CASQ2: variants seen among roughly 807,000 people sequenced by gnomAD.
The protein encoded by CASQ2 is calsequestrin 2.
Under a neutral mutation model 46.5 loss-of-function variants are expected in CASQ2, and 49 were observed. That is an observed-to-expected ratio of 1.05 (90% CI 0.84 to 1.34). The LOEUF (loss-of-function observed/expected upper bound fraction) is 1.34. Ranked by LOEUF, CASQ2 falls within the 40% of genes most tolerant of loss-of-function variation. CASQ2 has a pLI of 0.00. For missense variants in CASQ2, 486 were observed against 481.3 expected (o/e 1.01, Z -0.09); for synonymous variants, 174 against 168.5 (o/e 1.03, Z -0.25).
intron 5 of CASQ2, among the ~76,000 whole-genome samples, chr1:115,728,213 G>A (rs1235856107): frequency 1.3e-5 from 2 of 152,144 alleles, no homozygotes; most frequent in African/African-American, 4.8e-5. Flanking sequence ...TCTTACACAA[G>A]GAGATCCATT....
chr1:115,754,978 G>T (rs1243417494), intron 1 of CASQ2, among the ~76,000 whole-genome samples: 1 of 152,190 alleles, frequency 6.6e-6, no homozygotes, highest in Non-Finnish European at 1.5e-5. Context: ...TGATTCAGCA[G>T]GTCTGGGATG....
chr1:115,715,875 T>G (rs1341477384), intron 8 of CASQ2, among the ~76,000 whole-genome samples: 1 of 152,174 alleles, frequency 6.6e-6, no homozygotes, highest in Non-Finnish European at 1.5e-5. Flanking sequence ...AAATATTTAT[T>G]GGGCGCCTAC....
In CASQ2 at chr1:115,702,548, C is replaced by T. The variant is rs113182054; in HGVS notation, c.1014+373G>A. Among the ~76,000 whole-genome samples, 11 of 152,346 alleles carry T rather than the reference C, an allele frequency of 7.2e-5. 2 individuals carry two copies. The highest frequency in any genetic ancestry group is 2.4e-4 in the African/African-American group (10 of 41,594). On this transcript the variant is annotated intron_variant, in intron 10 of 10. Transcript: ENST00000261448. ...GCCTGCCTGGGATTCTAGGCCACAA[C>T]GGCCCCATCACCCATTGTGCAGTGA...
intron 1 of CASQ2, among the ~76,000 whole-genome samples, chr1:115,760,115 A>AC (rs1389064884): frequency 6.6e-6 from 1 of 152,132 alleles, no homozygotes; most frequent in Non-Finnish European, 1.5e-5. Context: ...GAATCCCTGC[A>AC]CCCCTAGAAC....
chr1:115,744,803 A>G lies in CASQ2; in HGVS notation c.319+25T>C, dbSNP rs370016535. ...AGACACATTCGTTTCTTTCCCACAT[A>G]CAGTATCTCAAAAATCACACTTACC... On this transcript the variant is annotated intron_variant, in intron 2 of 10. Coordinates refer to ENST00000261448, the MANE Select transcript of CASQ2 (RefSeq NM_001232.4). The G allele has an allele frequency of 5.8e-4, 872 of 1,515,848 alleles. 1 individual carries two copies. Among genetic ancestry groups the G allele is most frequent in the Non-Finnish European group, 7.8e-4 (850 of 1,090,594 alleles). The allele number at this position is 1,515,848 out of a possible 1,614,324, so 93.9% of individuals were successfully genotyped here.
Position 115,739,124 on chromosome 1 carries a change from C to CTTTTTTTTTTTTTTTTTTTTTTTTTTT in CASQ2, c.421-790_421-789insAAAAAAAAAAAAAAAAAAAAAAAAAAA, listed in dbSNP as rs1299140156. On this transcript the variant is annotated intron_variant, in intron 3 of 10. Transcript: ENST00000261448. ...ATGTATAGCACATTTTCTTTTCTTT[C>CTTTTTTTTTTTTTTTTTTTTTTTTTTT]TTTTTGAGATGGAGTCATGCTGTGT... Among the ~76,000 whole-genome samples, 20 of 99,518 alleles carry CTTTTTTTTTTTTTTTTTTTTTTTTTTT rather than the reference C, an allele frequency of 2.0e-4. 2 individuals are homozygous for CTTTTTTTTTTTTTTTTTTTTTTTTTTT. The highest frequency in any genetic ancestry group is 5.3e-4 in the Admixed American group (4 of 7,566). The allele number at this position is 99,518 out of a possible 152,430, so 65.3% of individuals were successfully genotyped here.
At chr1:115,726,960 G>GCCCCCCCC in intron 6 of CASQ2, 32 bp downstream of exon 6, 4 of 654,026 alleles carry the variant, frequency 6.1e-6, no homozygotes, top group Non-Finnish European at 1.1e-5. Flanking sequence ...CCAGACCCCA[G>GCCCCCCCC]GCCCCCAGCC....
At chr1:115,708,429 A>G (rs1654430127) in intron 8 of CASQ2, among the ~76,000 whole-genome samples, 1 of 152,224 alleles carries the variant, frequency 6.6e-6, no homozygotes, top group Non-Finnish European at 1.5e-5. Flanking sequence ...AACAGAGCCC[A>G]TTCTTCAGGG....
intron 5 of CASQ2, among the ~76,000 whole-genome samples, chr1:115,727,901 A>G (rs1319367471): frequency 6.6e-6 from 1 of 152,154 alleles, no homozygotes; most frequent in Admixed American, 6.5e-5. Flanking sequence ...AAGCAGCCAC[A>G]TGTTCAGTGT....
intron 5 of CASQ2, among the ~76,000 whole-genome samples, chr1:115,731,489 C>T (rs1647782090): frequency 6.6e-6 from 1 of 152,224 alleles, no homozygotes. Context: ...CCTTTCTCTA[C>T]TAATATCCTA....
At chr1:115,763,839 T>C (rs1649040201) in intron 1 of CASQ2, among the ~76,000 whole-genome samples, 1 of 152,096 alleles carries the variant, frequency 6.6e-6, no homozygotes, top group Non-Finnish European at 1.5e-5. Context: ...TTATAGGACA[T>C]GATAGGAGCA....
At chr1:115,752,517 G>A (rs945570573) in intron 1 of CASQ2, among the ~76,000 whole-genome samples, 2 of 152,188 alleles carry the variant, frequency 1.3e-5, no homozygotes, top group Non-Finnish European at 2.9e-5. Context: ...CTTGGAGGAG[G>A]AGTGTGTGGA....
At chr1:115,756,233 A>T (rs4839482) in intron 1 of CASQ2, among the ~76,000 whole-genome samples, 30 of 152,284 alleles carry the variant, frequency 2.0e-4, no homozygotes, top group African/African-American at 7.0e-4. Flanking sequence ...ACACAGAAGC[A>T]GCTCTGGCTT....
intron 8 of CASQ2, among the ~76,000 whole-genome samples, chr1:115,709,785 C>T (rs1570800251): frequency 6.6e-6 from 1 of 152,282 alleles, no homozygotes; most frequent in African/African-American, 2.4e-5. Flanking sequence ...TTGAAATCTC[C>T]TTTTTTTCAC....
In CASQ2 at chr1:115,768,583, C is replaced by A; in HGVS notation, c.-42G>T. On this transcript the variant is annotated 5_prime_UTR_variant, in exon 1 of 11. Coordinates refer to ENST00000261448, the MANE Select transcript of CASQ2 (RefSeq NM_001232.4). ...TTCTCGTTCCCAAATATGCTGTGTG[C>A]AGAATAGAGGACAGAAGACTGTTAG... 1 of 1,239,372 alleles carries A rather than the reference C, an allele frequency of 8.1e-7. No homozygotes were observed. The allele number at this position is 1,239,372 out of a possible 1,614,324, so 76.8% of individuals were successfully genotyped here.
At position 115,717,856 on chromosome 1, in the gene CASQ2, T is replaced by C; in HGVS notation, c.822A>G (p.Ala274=). 1 of 1,611,670 alleles carries C rather than the reference T, an allele frequency of 6.2e-7. No individual in the cohort carries two copies. The highest frequency in any genetic ancestry group is 1.1e-5 in the South Asian group (1 of 91,012). The change falls in exon 8 of 11, where the codon GCA becomes GCG. Residue 274 remains alanine, a synonymous_variant. Coordinates refer to ENST00000261448, the MANE Select transcript of CASQ2 (RefSeq NM_001232.4). ...DLNGIHIVAF[A]EKSDPDGYEF... ...GTTTCCTACCTGGATCACTCTTCTCTGCAAAGGCCACAATGTGGATCCCAT... is the reference window on the plus strand; with the variant it reads ...GTTTCCTACCTGGATCACTCTTCTCCGCAAAGGCCACAATGTGGATCCCAT...
In CASQ2 at chr1:115,738,277, C is replaced by A. The variant is rs372283956; in HGVS notation, c.479G>T (p.Arg160Leu). ...SSKLEVQAFE[R>L]IEDYIKLIGF... is the part of the protein sequence containing the mutation. ...AATGAGTTTGATGTAGTCTTCAATGCGTTCGAAGGCTTGGACTTCCAGTTT... is the reference window on the plus strand; with the variant it reads ...AATGAGTTTGATGTAGTCTTCAATGAGTTCGAAGGCTTGGACTTCCAGTTT... Residue 160 changes from arginine to leucine, a missense_variant, in exon 4 of 11, where the codon CGC (arginine) becomes CTC (leucine). Transcript: ENST00000261448. 3 of 1,613,864 alleles carry A rather than the reference C, an allele frequency of 1.9e-6. No homozygotes were observed. The highest frequency in any genetic ancestry group is 2.2e-5 in the East Asian group (1 of 44,882).
intron 1 of CASQ2, among the ~76,000 whole-genome samples, chr1:115,766,167 G>A (rs1649127063): frequency 6.6e-6 from 1 of 152,118 alleles, no homozygotes; most frequent in African/African-American, 2.4e-5. Flanking sequence ...TCAGACCCGG[G>A]TCCAGAGGCT....
intron 1 of CASQ2, among the ~76,000 whole-genome samples, chr1:115,752,416 T>TA (rs950505809): frequency 2.6e-5 from 4 of 152,050 alleles, no homozygotes; most frequent in African/African-American, 9.6e-5. Flanking sequence ...ATCTCAAAAA[T>TA]AAAAAATAAA....
Sources: allele counts gnomAD v4.1 joint callset (sites outside exome capture counted in the v4.1 genomes callset), GRCh38; gene constraint gnomAD v4.1.1; transcripts MANE v1.5; gene names NCBI Gene and HGNC (gene_info 2026-07-23, HGNC 2026-07-21).